TSPEAR: variants seen among roughly 807,000 people sequenced by gnomAD.
TSPEAR encodes thrombospondin-type laminin G domain and EAR repeat-containing protein.
A neutral mutation model predicts 71.6 loss-of-function variants in TSPEAR; 69 were observed. The observed-to-expected ratio is 0.96, with a 90% CI of 0.79 to 1.18. TSPEAR has a LOEUF of 1.18. TSPEAR is among the 50% of genes most tolerant of loss of function. TSPEAR has a pLI of 0.00. For synonymous variants in TSPEAR, 402 were observed against 387.2 expected (o/e 1.04, Z -0.45); for missense variants, 971 against 894.9 (o/e 1.09, Z -1.09).
chr21:44,593,352 C>T lies in TSPEAR; in HGVS notation c.83-25347G>A, dbSNP rs1159740153. Among the ~76,000 whole-genome samples, 3 of 152,208 alleles carry T rather than the reference C, an allele frequency of 2.0e-5. No individual in the cohort carries two copies. Among genetic ancestry groups the T allele is most frequent in the African/African-American group, 4.8e-5 (2 of 41,454 alleles). The stretch of plus-strand genomic sequence containing the variant: ...CCATTTCCCAGCCCTGTCTTCCAAG[C>T]CCTGTGCCAGGCCTCTTAGTGTCAC... On this transcript the variant is annotated intron_variant, in intron 1 of 11. Coordinates refer to ENST00000323084, the MANE Select transcript of TSPEAR (RefSeq NM_144991.3). The surrounding 1 kb of genome is among the most constrained non-coding windows in gnomAD (Gnocchi z 5.9).
chr21:44,522,423 C>T (rs1339743031), intron 8 of TSPEAR, among the ~76,000 whole-genome samples: 3 of 152,172 alleles, frequency 2.0e-5, no homozygotes, highest in Admixed American at 6.5e-5. Context: ...GTCCTGGCCC[C>T]GCTGCCCACG....
Position 44,567,813 on chromosome 21 carries a change from G to A in TSPEAR, c.275C>T (p.Thr92Ile). 6.3e-7 allele frequency: 1 copy of A among 1,594,664 alleles called. No homozygotes were observed. Among genetic ancestry groups the A allele is most frequent in the Non-Finnish European group, 8.6e-7 (1 of 1,169,136 alleles). The change falls in exon 2 of 12, where the codon ACT becomes ATT. Residue 92 changes from threonine (T) to isoleucine (I), a missense_variant. Coordinates refer to ENST00000323084, the MANE Select transcript of TSPEAR (RefSeq NM_144991.3). ...GGGTGGAAGATTGGGAACTCTCAAA[G>A]TTACGACGATGGAAAATTCTTCAGG... ...LFPEEFSIVV[T>I]LRVPNLPPKR...
intron 1 of TSPEAR, among the ~76,000 whole-genome samples, chr21:44,692,744 G>A (rs1987171403): frequency 1.3e-5 from 2 of 152,084 alleles, no homozygotes; most frequent in Admixed American, 1.3e-4. Context: ...CCATGTTCAT[G>A]GATTAGAAGA....
In TSPEAR at chr21:44,580,656, T is replaced by G. The variant is rs587761322; in HGVS notation, c.83-12651A>C. On this transcript the variant is annotated intron_variant, in intron 1 of 11. Coordinates refer to ENST00000323084, the MANE Select transcript of TSPEAR (RefSeq NM_144991.3). The stretch of plus-strand genomic sequence containing the variant: ...GTGTGTGAGTGAGTGAAGGAGGGAG[T>G]GAGTGAGTGAGGTGCTCAGGGCTGT... The G allele has an allele frequency of 7.0e-3, 9,996 of 1,424,614 alleles. 376 individuals carry two copies. In the African/African-American group the frequency reaches 0.091, roughly 13 times the overall value. The allele number at this position is 1,424,614 out of a possible 1,614,324, so 88.2% of individuals were successfully genotyped here. A position where few individuals can be genotyped will look rare whatever the true frequency, so the allele number is the denominator to read the frequency against.
Position 44,551,568 on chromosome 21 carries a change from T to C in TSPEAR, c.303+16217A>G. 3.5e-6 allele frequency: 5 copies of C among 1,441,594 alleles called. No homozygotes were observed. In the South Asian group the frequency reaches 4.0e-5, roughly 12 times the overall value. The allele number at this position is 1,441,594 out of a possible 1,614,324, so 89.3% of individuals were successfully genotyped here. A position where few individuals can be genotyped will look rare whatever the true frequency, so the allele number is the denominator to read the frequency against. ...CCTGTTGGCTGCTGGGGCTTTTATA[T>C]GCCCAGGGCCTGTGTTTTCCCAGCA... On this transcript the variant is annotated intron_variant, in intron 2 of 11. Coordinates refer to ENST00000323084, the MANE Select transcript of TSPEAR (RefSeq NM_144991.3).
At chr21:44,557,051 T>A (rs1555919930) in intron 2 of TSPEAR, among the ~76,000 whole-genome samples, 1 of 152,178 alleles carries the variant, frequency 6.6e-6, no homozygotes, top group Non-Finnish European at 1.5e-5. Context: ...AGCAGGTGCA[T>A]CTCGCGCTAC....
chr21:44,606,216 T>A (rs893142949), intron 1 of TSPEAR, among the ~76,000 whole-genome samples: 1 of 138,452 alleles, frequency 7.2e-6, no homozygotes, highest in African/African-American at 2.8e-5. Context: ...GCAAAAGACC[T>A]AAACAGACAT....
chr21:44,685,970 A>C (rs1242010289), intron 1 of TSPEAR, among the ~76,000 whole-genome samples: 3 of 152,232 alleles, frequency 2.0e-5, no homozygotes, highest in Non-Finnish European at 4.4e-5. Flanking sequence ...TTACCTCAAT[A>C]ATCATCATTA....
At chr21:44,539,942 C>A in intron 2 of TSPEAR, 1 of 1,613,692 alleles carries the variant, frequency 6.2e-7, no homozygotes, top group Non-Finnish European at 8.5e-7. Context: ...GCTGGTGCAG[C>A]CTGATTGGCA....
chr21:44,622,015 A>T (rs1051787666), intron 1 of TSPEAR, among the ~76,000 whole-genome samples: 2 of 152,188 alleles, frequency 1.3e-5, no homozygotes, highest in African/African-American at 4.8e-5. Context: ...CCAAAATGTT[A>T]TATGCATGGA....
chr21:44,626,682 A>G (rs1601501099), intron 1 of TSPEAR, among the ~76,000 whole-genome samples: 1 of 152,188 alleles, frequency 6.6e-6, no homozygotes, highest in African/African-American at 2.4e-5. Flanking sequence ...GGGAAGGACC[A>G]TACTAGAGGA....
chr21:44,604,364 T>A (rs151318498), intron 1 of TSPEAR, among the ~76,000 whole-genome samples: 143 of 152,000 alleles, frequency 9.4e-4, no homozygotes, highest in African/African-American at 3.3e-3. Flanking sequence ...ATAAAAGAGA[T>A]GGAAATACGC....
At chr21:44,566,085 C>A (rs1361632603) in intron 2 of TSPEAR, among the ~76,000 whole-genome samples, 1 of 152,080 alleles carries the variant, frequency 6.6e-6, no homozygotes, top group African/African-American at 2.4e-5. Flanking sequence ...GAGGCTGAGG[C>A]GGGAGAATCG....
intron 1 of TSPEAR, among the ~76,000 whole-genome samples, chr21:44,643,031 T>C (rs1984105534): frequency 6.6e-6 from 1 of 151,438 alleles, no homozygotes; most frequent in South Asian, 2.1e-4. Flanking sequence ...AACAGATGAG[T>C]GGATAAAGAA....
chr21:44,611,397 C>T (rs1180847616), intron 1 of TSPEAR, among the ~76,000 whole-genome samples: 2 of 152,042 alleles, frequency 1.3e-5, no homozygotes, highest in African/African-American at 4.8e-5. Flanking sequence ...TTTGCTTCTT[C>T]CTCATTTTCT....
rs368929923 is a variant in TSPEAR at position 44,623,176 on chromosome 21, G to A, written c.83-55171C>T. Among the ~76,000 whole-genome samples, 81 of 152,280 alleles carry A rather than the reference G, an allele frequency of 5.3e-4. No individual in the cohort carries two copies. The highest frequency in any genetic ancestry group is 3.4e-3 in the Middle Eastern group (1 of 294). The stretch of plus-strand genomic sequence containing the variant: ...CTCAAATATTTCTTTATAGCAATGC[G>A]AGACCAGCTTAACACAGTGAGGTTC... On this transcript the variant is annotated intron_variant, in intron 1 of 11. Transcript: ENST00000323084. The surrounding 1 kb of genome is among the most constrained non-coding windows in gnomAD (Gnocchi z 4.5).
chr21:44,528,541 G>T lies in TSPEAR; in HGVS notation c.833C>A (p.Thr278Asn), dbSNP rs782437257. 6.2e-7 allele frequency: 1 copy of T among 1,614,012 alleles called. No individual in the cohort carries two copies. Among genetic ancestry groups the T allele is most frequent in the Non-Finnish European group, 8.5e-7 (1 of 1,180,036 alleles). ...RVTLGPQPPCTEVEDAQFWFD... is the reference protein window; with the variant it reads ...RVTLGPQPPCNEVEDAQFWFD... ...CCAGAACTGGGCGTCTTCCACCTCG[G>T]TACACGGTGGCTGGGGTCCCAGCGT... The change falls in exon 6 of 12, where the codon ACC becomes AAC. Residue 278 changes from threonine (T) to asparagine (N), a missense_variant. Coordinates refer to ENST00000323084, the MANE Select transcript of TSPEAR (RefSeq NM_144991.3).
intron 9 of TSPEAR, chr21:44,519,060 A>G (rs587668088): frequency 1.1e-4 from 18 of 170,576 alleles, no homozygotes; most frequent in African/African-American, 2.9e-4. Context: ...ATGGAGTCTC[A>G]CTCTGTCGCC....
chr21:44,530,098 A>T, intron 4 of TSPEAR, 144 bp from the exon 5 acceptor site: 1 of 841,300 alleles, frequency 1.2e-6, no homozygotes. Flanking sequence ...AACTGGGAAG[A>T]GTTTACATGA....
Sources: gnomAD v4.1 joint callset for allele counts (sites outside exome capture counted in the v4.1 genomes callset) on GRCh38, gnomAD v4.1.1 for gene constraint, Gnocchi (gnomAD v3.1) non-coding constraint, MANE v1.5 for transcripts, NCBI Gene and HGNC (gene_info 2026-07-23, HGNC 2026-07-21) for gene names.